WWOX: variants seen among roughly 807,000 people sequenced by gnomAD.
WWOX encodes the protein WW domain containing oxidoreductase.
Under a neutral mutation model 46.2 loss-of-function variants are expected in WWOX, and 69 were observed. That is an observed-to-expected ratio of 1.49 (90% CI 1.23 to 1.82). The LOEUF is 1.82. Among genes scored for constraint, WWOX ranks in the 40% most tolerant of loss-of-function variants. WWOX has a pLI of 0.00. For synonymous variants in WWOX, 359 were observed against 202.6 expected (o/e 1.77, Z -6.56); for missense variants, 919 against 542.6 (o/e 1.69, Z -6.89).
At chr16:78,838,875 A>T (rs898715513) in intron 8 of WWOX, among the ~76,000 whole-genome samples, 9 of 152,138 alleles carry the variant, frequency 5.9e-5, no homozygotes, top group Admixed American at 5.2e-4. Flanking sequence ...AAGGAAAGAC[A>T]ACAGATAAGT....
chr16:78,177,375 C>T (rs1597313058), intron 5 of WWOX, among the ~76,000 whole-genome samples: 1 of 152,132 alleles, frequency 6.6e-6, no homozygotes, highest in Admixed American at 6.5e-5. Context: ...AGGTGATACC[C>T]CTAAACTGTC....
At chr16:78,168,156 C>G (rs1003024339) in intron 5 of WWOX, 1 of 152,170 alleles carries the variant, frequency 6.6e-6, no homozygotes, top group African/African-American at 2.4e-5. Context: ...CTGTCATGTG[C>G]CAAGGCTCCG....
chr16:78,452,475 C>CTCT (rs1373956901), intron 8 of WWOX, among the ~76,000 whole-genome samples: 1 of 126,076 alleles, frequency 7.9e-6, no homozygotes, highest in Non-Finnish European at 1.6e-5. Flanking sequence ...CTCTCTCTCT[C>CTCT]TTTTTTTTTT....
At chr16:79,175,736 A>G (rs1237765722) in intron 8 of WWOX, among the ~76,000 whole-genome samples, 1 of 152,144 alleles carries the variant, frequency 6.6e-6, no homozygotes, top group Admixed American at 6.5e-5. Flanking sequence ...AACAAAAAAG[A>G]TCCTTTCAGA....
intron 1 of WWOX, among the ~76,000 whole-genome samples, chr16:78,102,231 A>T (rs868104659): frequency 6.6e-6 from 1 of 152,108 alleles, no homozygotes; most frequent in African/African-American, 2.4e-5. Context: ...TTTTGAGCTC[A>T]AGTAGAGGTG....
chr16:78,867,767 A>C (rs1440314955), intron 8 of WWOX, among the ~76,000 whole-genome samples: 1 of 152,084 alleles, frequency 6.6e-6, no homozygotes, highest in African/African-American at 2.4e-5. Flanking sequence ...TTGTGGAACT[A>C]ATTTTTATAC....
chr16:78,399,173 C>G (rs13334962), intron 6 of WWOX, among the ~76,000 whole-genome samples: 2,241 of 152,134 alleles, frequency 0.015, 56 homozygotes, highest in African/African-American at 0.05. Context: ...GGTTGGAAGA[C>G]AGGAAGGATG....
intron 5 of WWOX, among the ~76,000 whole-genome samples, chr16:78,313,028 T>A (rs1032092109): frequency 6.6e-6 from 1 of 151,636 alleles, no homozygotes; most frequent in African/African-American, 2.4e-5. Flanking sequence ...CAGATTTGTG[T>A]CCTACTAACA....
intron 5 of WWOX, among the ~76,000 whole-genome samples, chr16:78,198,864 T>C (rs979503221): frequency 1.3e-5 from 2 of 152,204 alleles, no homozygotes; most frequent in Admixed American, 1.3e-4. Context: ...CCATTTTTGC[T>C]CAAATTGCTC....
chr16:78,325,316 T>C (rs990343662), intron 5 of WWOX, among the ~76,000 whole-genome samples: 11 of 152,234 alleles, frequency 7.2e-5, no homozygotes, highest in African/African-American at 2.7e-4. Context: ...TACTCAGATT[T>C]ATTTTGAAGC....
chr16:78,528,943 C>CTTTCCT (rs2043551526), intron 8 of WWOX, among the ~76,000 whole-genome samples: 2 of 145,006 alleles, frequency 1.4e-5, no homozygotes, highest in African/African-American at 5.1e-5. Context: ...TTTTTCTTTT[C>CTTTCCT]TTTTCTTTCT....
intron 8 of WWOX, chr16:78,895,628 A>T (rs372576050): frequency 1.3e-5 from 2 of 152,236 alleles, no homozygotes; most frequent in Non-Finnish European, 2.9e-5. Flanking sequence ...CAGCTTGGCA[A>T]TGCTGACCCC....
chr16:78,547,226 A>T (rs888528927), intron 8 of WWOX, among the ~76,000 whole-genome samples: 3 of 150,780 alleles, frequency 2.0e-5, no homozygotes, highest in African/African-American at 7.4e-5. Context: ...ATGAACATTG[A>T]TTGAGCCTTT....
intron 8 of WWOX, among the ~76,000 whole-genome samples, chr16:78,977,472 G>C (rs1394251120): frequency 2.0e-5 from 3 of 152,166 alleles, no homozygotes; most frequent in Non-Finnish European, 4.4e-5. Flanking sequence ...GAGCTCAGTA[G>C]GCCTGTCCTT....
intron 8 of WWOX, among the ~76,000 whole-genome samples, chr16:78,654,202 G>A (rs2047029492): frequency 6.6e-6 from 1 of 151,558 alleles, no homozygotes; most frequent in Non-Finnish European, 1.5e-5. Flanking sequence ...ACCTGGGTGG[G>A]CGATTTGAAT....
chr16:78,283,983 T>A (rs1448912660), intron 5 of WWOX, among the ~76,000 whole-genome samples: 2 of 152,262 alleles, frequency 1.3e-5, no homozygotes, highest in African/African-American at 4.8e-5. Context: ...TATCACGTCA[T>A]GATGAATTAT....
chr16:78,227,987 C>T (rs1379199398), intron 5 of WWOX, among the ~76,000 whole-genome samples: 1 of 152,046 alleles, frequency 6.6e-6, no homozygotes, highest in Non-Finnish European at 1.5e-5. Context: ...AAGATGTCAC[C>T]AGGGCACCAC....
intron 8 of WWOX, among the ~76,000 whole-genome samples, chr16:78,800,042 C>G (rs768082504): frequency 1.1e-4 from 17 of 152,106 alleles, no homozygotes; most frequent in Non-Finnish European, 1.8e-4. Flanking sequence ...GGAAGGAACA[C>G]TTGGGTTTCA....
chr16:78,732,728 TAAATA>T (rs1005490332), intron 8 of WWOX, among the ~76,000 whole-genome samples: 7 of 152,296 alleles, frequency 4.6e-5, no homozygotes, highest in South Asian at 2.1e-4. Flanking sequence ...TTGGTTAATT[TAAATA>T]AAATAAAAGT....
Sources: gnomAD v4.1 joint callset for allele counts (sites outside exome capture counted in the v4.1 genomes callset) on GRCh38, gnomAD v4.1.1 for gene constraint, MANE v1.5 for transcripts, NCBI Gene and HGNC (gene_info 2026-07-23, HGNC 2026-07-21) for gene names.